The following DHDDS variants were observed in gnomAD, a reference collection of about 807,000 sequenced individuals.
The protein encoded by DHDDS is dehydrodolichyl diphosphate synthase complex subunit DHDDS.
DHDDS carries 16 observed loss-of-function variants against 46.2 expected under a neutral mutation model. The observed-to-expected ratio is 0.35, with a 90% CI of 0.23 to 0.53. DHDDS has a LOEUF of 0.53. DHDDS is among the 20% of genes least tolerant of loss of function. DHDDS has a pLI of 0.94. For synonymous variants in DHDDS, 151 were observed against 163.1 expected (o/e 0.93, Z 0.56); for missense variants, 340 against 423.7 (o/e 0.80, Z 1.73).
intron 5 of DHDDS, among the ~76,000 whole-genome samples, chr1:26,446,819 T>C (rs1221537258): frequency 6.6e-6 from 1 of 152,126 alleles, no homozygotes; most frequent in African/African-American, 2.4e-5. Context: ...CTTTAACCTA[T>C]GGATAGGATG....
chr1:26,454,155 G>A (rs1042467933), intron 6 of DHDDS, among the ~76,000 whole-genome samples: 4 of 152,180 alleles, frequency 2.6e-5, no homozygotes, highest in Admixed American at 1.3e-4. Context: ...GGGTTTCATC[G>A]TGTTAGCCAG....
rs146306097 is a variant in DHDDS at position 26,456,467 on chromosome 1, A to T, written c.543-1324A>T. Among the ~76,000 whole-genome samples the T allele has an allele frequency of 9.6e-3, 1,463 of 152,204 alleles. 8 individuals carry two copies. The highest frequency in any genetic ancestry group is 0.012 in the Admixed American group (190 of 15,290). On this transcript the variant is annotated intron_variant, in intron 6 of 8. Coordinates refer to ENST00000236342, the MANE Select transcript of DHDDS (RefSeq NM_205861.3). Reference sequence around the variant, plus strand: ...GAGTTCAGTGGCATAATCTGGGCTTACTGTAACCTCCACCTCCTGGGTTCA... The same window carrying T: ...GAGTTCAGTGGCATAATCTGGGCTTTCTGTAACCTCCACCTCCTGGGTTCA...
intron 3 of DHDDS, among the ~76,000 whole-genome samples, chr1:26,440,465 T>C (rs992291897): frequency 3.3e-5 from 5 of 152,230 alleles, no homozygotes; most frequent in Admixed American, 2.6e-4. Flanking sequence ...TTTCTTCATC[T>C]ATAAAATGGG....
At chr1:26,443,466 T>C (rs760116480) in intron 4 of DHDDS, among the ~76,000 whole-genome samples, 1 of 152,186 alleles carries the variant, frequency 6.6e-6, no homozygotes, top group Non-Finnish European at 1.5e-5. Flanking sequence ...CATTCTTAGC[T>C]GTCAGTAAGT....
chr1:26,448,837 GTTC>G (rs2075293538), intron 6 of DHDDS, among the ~76,000 whole-genome samples: 1 of 152,126 alleles, frequency 6.6e-6, no homozygotes, highest in Admixed American at 6.6e-5. Context: ...TGATTTTAGG[GTTC>G]TTATCCTTTA....
At chr1:26,443,000 T>G in intron 4 of DHDDS, 127 bp downstream of exon 4, 1 of 1,496,876 alleles carries the variant, frequency 6.7e-7, no homozygotes, top group Non-Finnish European at 9.0e-7. Flanking sequence ...GTTAGATATC[T>G]TGGGTGGCAA....
chr1:26,436,631 G>C (rs1293892060), intron 2 of DHDDS, among the ~76,000 whole-genome samples: 1 of 151,592 alleles, frequency 6.6e-6, no homozygotes, highest in Non-Finnish European at 1.5e-5. Context: ...CACCGTGTTA[G>C]CCAGGATGGG....
chr1:26,447,937 T>G, intron 6 of DHDDS: 1 of 589,776 alleles, frequency 1.7e-6, no homozygotes, highest in South Asian at 2.1e-5. Flanking sequence ...TTTAAGGGGA[T>G]CTCCCAAATT....
chr1:26,467,426 C>A (rs1156663256), intron 8 of DHDDS: 2 of 452,986 alleles, frequency 4.4e-6, no homozygotes, highest in South Asian at 3.1e-5. Flanking sequence ...GAGAAGTATT[C>A]TTGAATGCCT....
At chr1:26,441,396 CA>C (rs1395625457) in intron 3 of DHDDS, among the ~76,000 whole-genome samples, 1 of 151,692 alleles carries the variant, frequency 6.6e-6, no homozygotes, top group African/African-American at 2.4e-5. Flanking sequence ...AATGGGGTTT[CA>C]CCATGTTGGC....
chr1:26,457,227 G>T (rs570183680), intron 6 of DHDDS, among the ~76,000 whole-genome samples: 28 of 149,306 alleles, frequency 1.9e-4, no homozygotes, highest in Non-Finnish European at 3.7e-4. Context: ...CAGAGGCCGA[G>T]GGGGGGGCGG....
chr1:26,465,424 T>C (rs1010403903), intron 8 of DHDDS, among the ~76,000 whole-genome samples: 32 of 152,298 alleles, frequency 2.1e-4, no homozygotes, highest in African/African-American at 6.5e-4. Context: ...GCAGCTGGGC[T>C]CAAGCGAGCC....
chr1:26,467,248 G>A (rs774670581), intron 8 of DHDDS: 27 of 450,886 alleles, frequency 6.0e-5, no homozygotes, highest in South Asian at 1.3e-4. Flanking sequence ...TGCTGGGATC[G>A]TGTCCTGCGC....
intron 5 of DHDDS, among the ~76,000 whole-genome samples, chr1:26,447,298 C>T (rs575634899): frequency 5.9e-5 from 9 of 151,508 alleles, no homozygotes; most frequent in Non-Finnish European, 7.4e-5. Flanking sequence ...TCAGCCTGGG[C>T]GACAAGAGCA....
At chr1:26,457,297 A>T (rs1272165287) in intron 6 of DHDDS, among the ~76,000 whole-genome samples, 2 of 149,830 alleles carry the variant, frequency 1.3e-5, no homozygotes, top group Non-Finnish European at 3.0e-5. Context: ...TGTCTCTACT[A>T]AAAATACAAA....
At chr1:26,456,697 A>G (rs1020446626) in intron 6 of DHDDS, among the ~76,000 whole-genome samples, 1 of 152,184 alleles carries the variant, frequency 6.6e-6, no homozygotes, top group African/African-American at 2.4e-5. Context: ...CTGGCCAAAA[A>G]AAGTTATTTA....
rs1347264101 is a variant in DHDDS, at chr1:26,470,870, G to A, written c.*1739G>A. The A allele has an allele frequency of 6.5e-6, 1 of 152,782 alleles. No homozygotes were observed. The highest frequency in any genetic ancestry group is 1.5e-5 in the Non-Finnish European group (1 of 68,142). The allele number at this position is 152,782 out of a possible 1,614,324, so 9.5% of individuals were successfully genotyped here. ...TTAAGGCGGGAATGAGGGGCTGGAG[G>A]CAGCAAACGGAATCTGCCCTATGAG... is the stretch of plus-strand genomic sequence containing the variant. On this transcript the variant is annotated 3_prime_UTR_variant, in exon 9 of 9. Transcript: ENST00000236342.
intron 6 of DHDDS, among the ~76,000 whole-genome samples, chr1:26,452,535 G>A (rs2075331645): frequency 6.6e-6 from 1 of 152,138 alleles, no homozygotes; most frequent in Non-Finnish European, 1.5e-5. Flanking sequence ...AATAGTAATT[G>A]CTAACACTTA....
At chr1:26,437,719 G>T (rs990511090) in intron 2 of DHDDS, among the ~76,000 whole-genome samples, 2 of 151,144 alleles carry the variant, frequency 1.3e-5, no homozygotes, top group African/African-American at 4.9e-5. Context: ...CAAGTGATCT[G>T]CCCACCTCAG....
Sources: gnomAD v4.1 joint callset for allele counts (sites outside exome capture counted in the v4.1 genomes callset) on GRCh38, gnomAD v4.1.1 for gene constraint, MANE v1.5 for transcripts, NCBI Gene and HGNC (gene_info 2026-07-23, HGNC 2026-07-21) for gene names.